IQSEC1: variants seen among roughly 807,000 people sequenced by gnomAD.
IQSEC1 encodes IQ motif and SEC7 domain-containing protein 1.
In IQSEC1, 31 loss-of-function variants were observed where a neutral mutation model predicts 91.0. That is an observed-to-expected ratio of 0.34 (90% CI 0.26 to 0.46). The LOEUF (loss-of-function observed/expected upper bound fraction) is 0.46, where lower values mean the gene tolerates loss of function less well. IQSEC1 is among the 20% of genes least tolerant of loss of function. The probability of loss-of-function intolerance (pLI) is 1.00; values close to 1 mark genes in which losing one functional copy is unlikely to be tolerated. For missense variants in IQSEC1, 1,388 were observed against 1,575.6 expected (o/e 0.88, Z 2.02); for synonymous variants, 699 against 662.6 (o/e 1.05, Z -0.84).
intron 1 of IQSEC1, among the ~76,000 whole-genome samples, chr3:13,273,444 C>T (rs1324027327): frequency 6.6e-6 from 1 of 152,230 alleles, no homozygotes; most frequent in Non-Finnish European, 1.5e-5. Flanking sequence ...AAGAACTCCC[C>T]ATTCCAAGAA....
At chr3:13,076,839 C>A (rs185041545), upstream of IQSEC1, among the ~76,000 whole-genome samples, 68 of 152,214 alleles carry the variant, frequency 4.5e-4, no homozygotes, top group South Asian at 8.7e-3. Flanking sequence ...AATAAAGCCC[C>A]CTTTACCTCC....
intron 9 of IQSEC1, among the ~76,000 whole-genome samples, chr3:12,912,171 A>G (rs529001931): frequency 6.6e-6 from 1 of 152,344 alleles, no homozygotes; most frequent in Admixed American, 6.5e-5. Flanking sequence ...CCCCTGGGCT[A>G]GCGACGTGAT....
At position 12,992,524 on chromosome 3, in the gene IQSEC1, T is replaced by C; in HGVS notation, c.24-50659A>G. On this transcript the variant is annotated intron_variant, in intron 1 of 13. Coordinates refer to ENST00000613206, the MANE Select transcript of IQSEC1 (RefSeq NM_001134382.3). The surrounding 1 kb of genome is among the most constrained non-coding windows in gnomAD (Gnocchi z 4.1). The stretch of plus-strand genomic sequence containing the variant: ...ACGAGAAAGCTATTCCTGTGTCACC[T>C]TAATTCAGAATTGTTCAGAGGGGGC... Among the ~76,000 whole-genome samples the C allele has an allele frequency of 6.6e-6, 1 of 152,226 alleles. No homozygotes were observed. The highest frequency in any genetic ancestry group is 1.5e-5 in the Non-Finnish European group (1 of 68,036).
chr3:13,068,410 G>A (rs1705307388), intron 1 of IQSEC1, among the ~76,000 whole-genome samples: 1 of 152,176 alleles, frequency 6.6e-6, no homozygotes, highest in South Asian at 2.1e-4. Flanking sequence ...GGTATACAAC[G>A]GGGAGCAGGC....
chr3:13,226,125 C>T lies in IQSEC1; in HGVS notation c.272+56586G>A, dbSNP rs182303706. Among the ~76,000 whole-genome samples the T allele has an allele frequency of 3.8e-3, 579 of 152,256 alleles. 5 individuals are homozygous for T. The highest frequency in any genetic ancestry group is 0.013 in the African/African-American group (551 of 41,544). ...AACTCCCGACCTCAGGTGATCCACC[C>T]GCCTCGGCCTCCCAAAGTGCTGGGA... is the stretch of plus-strand genomic sequence containing the variant. On this transcript the variant is annotated intron_variant, in intron 1 of 15. Coordinates refer to the IQSEC1 transcript ENST00000648114.
intron 2 of IQSEC1, among the ~76,000 whole-genome samples, chr3:13,082,092 G>A (rs1705655200): frequency 6.6e-6 from 1 of 152,148 alleles, no homozygotes; most frequent in Non-Finnish European, 1.5e-5. Context: ...GAGTCGCGCA[G>A]GGCAGCAGCG....
intron 2 of IQSEC1, among the ~76,000 whole-genome samples, chr3:13,105,363 C>T (rs1047261845): frequency 5.9e-5 from 9 of 152,148 alleles, no homozygotes; most frequent in Admixed American, 6.5e-5. Flanking sequence ...GCCACACATC[C>T]CAGGGTTCTC....
chr3:12,918,109 T>A (rs76606995), intron 6 of IQSEC1, among the ~76,000 whole-genome samples: 2,145 of 152,352 alleles, frequency 0.014, 35 homozygotes, highest in African/African-American at 0.041. Context: ...TTGGTTGATG[T>A]GACCCTGGGC....
At chr3:13,055,432 C>T (rs766426713) in intron 1 of IQSEC1, among the ~76,000 whole-genome samples, 3 of 152,210 alleles carry the variant, frequency 2.0e-5, no homozygotes, top group Non-Finnish European at 2.9e-5. Flanking sequence ...CTCCATGCAG[C>T]CCCCAATTCC....
intron 1 of IQSEC1, among the ~76,000 whole-genome samples, chr3:12,949,967 G>C (rs1254810335): frequency 6.6e-6 from 1 of 152,236 alleles, no homozygotes; most frequent in Non-Finnish European, 1.5e-5. Context: ...TTAAGGGCTA[G>C]TGCAGGTGTT....
chr3:13,127,026 T>C (rs1165576326), intron 2 of IQSEC1, among the ~76,000 whole-genome samples: 1 of 152,230 alleles, frequency 6.6e-6, no homozygotes, highest in Admixed American at 6.5e-5. Context: ...TCTAAATTGC[T>C]TCAGAATCAT....
Position 12,913,436 on chromosome 3 carries a change from G to T in IQSEC1, c.2308C>A (p.Leu770Ile). The change falls in exon 9 of 14, where the codon CTC becomes ATC. Residue 770 changes from leucine to isoleucine, a missense_variant. Transcript: ENST00000613206. Reference protein sequence around the residue: ...HQREIFLFNDLLVVTKIFQKK... With the variant: ...HQREIFLFNDILVVTKIFQKK... ...GTGGGTGAGCCACATACCACCAGGA[G>T]GTCGTTGAACAGGAAGATTTCTCGC... 6.3e-7 allele frequency: 1 copy of T among 1,597,668 alleles called. No homozygotes were observed. Among genetic ancestry groups the T allele is most frequent in the Non-Finnish European group, 8.5e-7 (1 of 1,170,346 alleles).
At chr3:13,223,163 C>A (rs564227626) in intron 1 of IQSEC1, among the ~76,000 whole-genome samples, 1 of 152,372 alleles carries the variant, frequency 6.6e-6, no homozygotes, top group East Asian at 1.9e-4. Context: ...ACTCTCCACA[C>A]TCCCTCAGTA....
intron 1 of IQSEC1, among the ~76,000 whole-genome samples, chr3:13,071,157 T>TG (rs926472650): frequency 2.5e-5 from 3 of 120,724 alleles, no homozygotes; most frequent in African/African-American, 9.0e-5. Flanking sequence ...TTTTTTGTTT[T>TG]TTTTTTTTTG....
At chr3:13,154,570 A>G (rs184187730) in intron 2 of IQSEC1, among the ~76,000 whole-genome samples, 17 of 148,910 alleles carry the variant, frequency 1.1e-4, no homozygotes, top group Non-Finnish European at 2.5e-4. Context: ...CTCCATAACA[A>G]TAGAACAACC....
intron 2 of IQSEC1, among the ~76,000 whole-genome samples, chr3:13,129,751 G>A (rs997515211): frequency 2.8e-4 from 40 of 144,948 alleles, no homozygotes; most frequent in African/African-American, 9.6e-4. Flanking sequence ...TCCGCCTCCC[G>A]GATTCATGCC....
chr3:12,962,760 G>T (rs1700321081), intron 1 of IQSEC1, among the ~76,000 whole-genome samples: 1 of 152,252 alleles, frequency 6.6e-6, no homozygotes, highest in African/African-American at 2.4e-5. Context: ...AAGTGCAAAG[G>T]ACACTGTCCC....
chr3:13,104,317 G>T (rs545601857), intron 2 of IQSEC1, among the ~76,000 whole-genome samples: 1 of 152,312 alleles, frequency 6.6e-6, no homozygotes, highest in South Asian at 2.1e-4. Context: ...GAGATGGGGT[G>T]AGTCCCCTGG....
chr3:12,971,546 T>A (rs958569867), intron 1 of IQSEC1, among the ~76,000 whole-genome samples: 5 of 152,180 alleles, frequency 3.3e-5, no homozygotes, highest in Non-Finnish European at 5.9e-5. Flanking sequence ...TAGGAAAAGA[T>A]CTGAGACACA....
Sources: gnomAD v4.1 joint callset for allele counts (sites outside exome capture counted in the v4.1 genomes callset) on GRCh38, gnomAD v4.1.1 for gene constraint, Gnocchi (gnomAD v3.1) non-coding constraint, MANE v1.5 for transcripts, NCBI Gene and HGNC (gene_info 2026-07-23, HGNC 2026-07-21) for gene names.